The following CD99L2 variants were observed in gnomAD, a reference collection of about 807,000 sequenced individuals.
The protein encoded by CD99L2 is CD99 molecule like 2, also known as CD99 antigen-like protein 2.
In CD99L2, 24 loss-of-function variants were observed where a neutral mutation model predicts 27.3. The observed-to-expected ratio is 0.88, with a 90% CI of 0.64 to 1.24. The LOEUF is 1.24. Ranked by LOEUF, CD99L2 falls within the 50% of genes most tolerant of loss-of-function variation. The pLI, the probability that CD99L2 is intolerant of heterozygous loss-of-function variation, is 0.00. For synonymous variants in CD99L2, 97 were observed against 87.9 expected, an observed-to-expected ratio of 1.10 and a Z score of -0.58; for missense variants, 255 against 221.6, an observed-to-expected ratio of 1.15 and a Z score of -0.96.
intron 9 of CD99L2, among the ~76,000 whole-genome samples, chrX:150,774,973 A>G (rs1603285028): frequency 8.9e-6 from 1 of 112,701 alleles, no homozygotes; most frequent in East Asian, 2.8e-4. Flanking sequence ...CAGGGTGGCC[A>G]TGAACAGTTT....
intron 1 of CD99L2, among the ~76,000 whole-genome samples, chrX:150,848,155 T>C (rs1205050399): frequency 1.9e-5 from 2 of 106,744 alleles, no homozygotes; most frequent in Non-Finnish European, 3.9e-5. Context: ...TTACATAAAT[T>C]ATATTATTTG....
At chrX:150,773,603 C>T (rs2043499690) in intron 9 of CD99L2, among the ~76,000 whole-genome samples, 1 of 112,402 alleles carries the variant, frequency 8.9e-6, no homozygotes, top group African/African-American at 3.2e-5. Flanking sequence ...TGCGTGTGTC[C>T]TCATCCCTGG....
At chrX:150,798,695 C>T (rs1482212188) in intron 4 of CD99L2, among the ~76,000 whole-genome samples, 2 of 111,808 alleles carry the variant, frequency 1.8e-5, no homozygotes, top group Non-Finnish European at 3.8e-5. Flanking sequence ...GATACAAAAG[C>T]ACAGGCAACA....
intron 6 of CD99L2, among the ~76,000 whole-genome samples, chrX:150,794,137 G>C (rs2045747730): frequency 8.9e-6 from 1 of 111,902 alleles, no homozygotes; most frequent in Non-Finnish European, 1.9e-5. Context: ...AGCAGGTTCA[G>C]GCCTTCTCTG....
intron 1 of CD99L2, among the ~76,000 whole-genome samples, chrX:150,842,328 A>G (rs1476274352): frequency 8.9e-6 from 1 of 111,822 alleles, no homozygotes; most frequent in Non-Finnish European, 1.9e-5. Context: ...TTTGGGAAGG[A>G]ACACAAGCTT....
intron 1 of CD99L2, among the ~76,000 whole-genome samples, chrX:150,883,103 C>T (rs990910270): frequency 8.0e-5 from 9 of 112,183 alleles, no homozygotes; most frequent in African/African-American, 2.9e-4. Context: ...CCGGGAGAAT[C>T]GCTTGAAGCC....
chrX:150,824,096 G>A (rs1466497065), intron 2 of CD99L2, among the ~76,000 whole-genome samples: 1 of 57,780 alleles, frequency 1.7e-5, no homozygotes, highest in Non-Finnish European at 3.5e-5. Flanking sequence ...GAAGAAAGAA[G>A]AAGGAAGAAG....
At chrX:150,816,349 G>A in intron 2 of CD99L2, 1 of 349,306 alleles carries the variant, frequency 2.9e-6, no homozygotes, top group Non-Finnish European at 5.1e-6. Flanking sequence ...GTGAACCTGG[G>A]CTTGCACCCA....
intron 1 of CD99L2, among the ~76,000 whole-genome samples, chrX:150,835,357 A>C (rs1015210545): frequency 1.8e-5 from 2 of 111,989 alleles, no homozygotes; most frequent in Non-Finnish European, 3.8e-5. Flanking sequence ...GTCAATTAAA[A>C]ATAAATGTTA....
At chrX:150,823,220 T>C (rs782418928) in intron 2 of CD99L2, among the ~76,000 whole-genome samples, 37 of 112,391 alleles carry the variant, frequency 3.3e-4, no homozygotes, top group Non-Finnish European at 5.1e-4. Flanking sequence ...AATGTCTTAG[T>C]CTTTTTTCTG....
At chrX:150,796,981 A>G (rs1569565933) in intron 4 of CD99L2, among the ~76,000 whole-genome samples, 1 of 111,925 alleles carries the variant, frequency 8.9e-6, no homozygotes, top group Non-Finnish European at 1.9e-5. Flanking sequence ...ATAGCAAAAT[A>G]TGTGGGATCT....
chrX:150,841,962 G>A (rs1206565646), intron 1 of CD99L2, among the ~76,000 whole-genome samples: 3 of 111,565 alleles, frequency 2.7e-5, no homozygotes, highest in African/African-American at 9.8e-5. Flanking sequence ...AGTTTTGGAT[G>A]CAGGCAGACC....
intron 1 of CD99L2, among the ~76,000 whole-genome samples, chrX:150,860,290 C>T (rs1603307665): frequency 1.2e-5 from 1 of 80,462 alleles, no homozygotes; most frequent in East Asian, 4.1e-4. Flanking sequence ...TGGGTAAAAA[C>T]TCAAACTAGG....
chrX:150,856,484 G>A (rs896904792), intron 1 of CD99L2, among the ~76,000 whole-genome samples: 9 of 110,632 alleles, frequency 8.1e-5, no homozygotes, highest in Non-Finnish European at 1.7e-4. Flanking sequence ...TTCCTCATCT[G>A]AGAGGAAAAG....
intron 4 of CD99L2, among the ~76,000 whole-genome samples, chrX:150,809,068 A>G (rs186046466): frequency 9.0e-6 from 1 of 111,287 alleles, no homozygotes; most frequent in Non-Finnish European, 1.9e-5. Flanking sequence ...ACCACAAGCC[A>G]AGAAATGCAG....
intron 1 of CD99L2, among the ~76,000 whole-genome samples, chrX:150,884,326 C>T (rs187505274): frequency 1.8e-5 from 2 of 111,751 alleles, no homozygotes; most frequent in Admixed American, 9.6e-5. Flanking sequence ...CTCTAAAAAA[C>T]GCCACTGCAT....
chrX:150,773,053 CCA>C (rs1427431424), intron 9 of CD99L2, among the ~76,000 whole-genome samples: 1 of 112,606 alleles, frequency 8.9e-6, no homozygotes, highest in African/African-American at 3.2e-5. Context: ...TTTTAATGTC[CCA>C]CAGAGACAGA....
At chrX:150,866,368 A>C (rs1557422036) in intron 1 of CD99L2, among the ~76,000 whole-genome samples, 1 of 111,698 alleles carries the variant, frequency 9.0e-6, no homozygotes, top group African/African-American at 3.3e-5. Context: ...ATACTGATTT[A>C]TTGATTGTGA....
chrX:150,872,427 T>G (rs1175411811), intron 1 of CD99L2, among the ~76,000 whole-genome samples: 4 of 101,952 alleles, frequency 3.9e-5, no homozygotes, highest in African/African-American at 1.5e-4. Context: ...ATTAAAAAAA[T>G]GTTTAGGAAA....
Sources: allele counts gnomAD v4.1 joint callset (sites outside exome capture counted in the v4.1 genomes callset), GRCh38; gene constraint gnomAD v4.1.1; transcripts MANE v1.5; gene names NCBI Gene and HGNC (gene_info 2026-07-23, HGNC 2026-07-21).